The following ROBO1 variants were observed in gnomAD, a reference collection of about 807,000 sequenced individuals.
ROBO1 encodes the protein roundabout guidance receptor 1, also known as roundabout homolog 1.
Under a neutral mutation model 195.9 loss-of-function variants are expected in ROBO1, and 149 were observed. The observed-to-expected ratio is 0.76, with a 90% CI of 0.67 to 0.87. ROBO1 has a LOEUF of 0.87. Ranked by LOEUF, ROBO1 falls within the 40% of genes least tolerant of loss-of-function variation. The pLI, the probability that ROBO1 is intolerant of heterozygous loss-of-function variation, is 0.00. For synonymous variants in ROBO1, 816 were observed against 733.2 expected (o/e 1.11, Z -1.82); for missense variants, 1,933 against 2,068.3 (o/e 0.93, Z 1.27).
At chr3:78,801,993 T>C (rs988894295) in intron 4 of ROBO1, among the ~76,000 whole-genome samples, 18 of 152,132 alleles carry the variant, frequency 1.2e-4, no homozygotes, top group African/African-American at 4.3e-4. Context: ...ATTTTTCCCA[T>C]ACTGATCTTT....
At chr3:79,615,955 T>C (rs1944805457) in intron 1 of ROBO1, among the ~76,000 whole-genome samples, 2 of 152,152 alleles carry the variant, frequency 1.3e-5, no homozygotes, top group Admixed American at 6.5e-5. Flanking sequence ...AAAAACTGAA[T>C]TGCAGCAAGA....
chr3:79,224,350 T>G (rs949970024), intron 2 of ROBO1, among the ~76,000 whole-genome samples: 1 of 152,246 alleles, frequency 6.6e-6, no homozygotes, highest in Non-Finnish European at 1.5e-5. Flanking sequence ...GCTTAATTTT[T>G]GCAGTTGCTG....
chr3:78,719,438 G>A (rs569264953), intron 5 of ROBO1, among the ~76,000 whole-genome samples: 4 of 151,704 alleles, frequency 2.6e-5, no homozygotes, highest in East Asian at 1.9e-4. Flanking sequence ...TTGAACATCC[G>A]TCTTTCAATT....
chr3:78,853,164 T>C (rs1431238712), intron 4 of ROBO1, among the ~76,000 whole-genome samples: 1 of 151,830 alleles, frequency 6.6e-6, no homozygotes, highest in Non-Finnish European at 1.5e-5. Flanking sequence ...TCATCAGTTA[T>C]ATAAGTGGTT....
chr3:79,277,199 T>A (rs757288155), intron 2 of ROBO1, among the ~76,000 whole-genome samples: 15 of 152,032 alleles, frequency 9.9e-5, no homozygotes, highest in Non-Finnish European at 2.1e-4. Flanking sequence ...TCACAGTAGC[T>A]AAGATTTGAA....
intron 2 of ROBO1, among the ~76,000 whole-genome samples, chr3:79,463,634 AC>A (rs1937780441): frequency 6.6e-6 from 1 of 152,202 alleles, no homozygotes. Flanking sequence ...GAATCTGCTA[AC>A]CGAAAAAGAT....
chr3:78,878,009 C>T (rs538058373), intron 4 of ROBO1, among the ~76,000 whole-genome samples: 50 of 152,258 alleles, frequency 3.3e-4, no homozygotes, highest in African/African-American at 1.2e-3. Context: ...TGCTGGATGA[C>T]GTTTCCTATG....
At chr3:79,584,419 C>T (rs878992119) in intron 2 of ROBO1, among the ~76,000 whole-genome samples, 1 of 150,988 alleles carries the variant, frequency 6.6e-6, no homozygotes, top group East Asian at 2.0e-4. Context: ...TTTCTTAAAA[C>T]AAACAAAATA....
At chr3:79,369,519 G>A (rs555137215) in intron 2 of ROBO1, among the ~76,000 whole-genome samples, 2 of 152,254 alleles carry the variant, frequency 1.3e-5, no homozygotes, top group African/African-American at 4.8e-5. Flanking sequence ...CAAGTACAAT[G>A]AGAAAACACC....
At chr3:78,683,724 T>C (rs956716607) in intron 10 of ROBO1, among the ~76,000 whole-genome samples, 1 of 151,956 alleles carries the variant, frequency 6.6e-6, no homozygotes, top group Non-Finnish European at 1.5e-5. Flanking sequence ...TTAGTTTTCA[T>C]ATGGGGGAAA....
At chr3:78,988,321 ACTTCT>A (rs1362307020) in intron 3 of ROBO1, among the ~76,000 whole-genome samples, 1 of 152,136 alleles carries the variant, frequency 6.6e-6, no homozygotes, top group East Asian at 1.9e-4. Context: ...AAATTACCAG[ACTTCT>A]CTGTCTGGTG....
chr3:79,492,119 T>G (rs559518234), intron 2 of ROBO1, among the ~76,000 whole-genome samples: 12 of 152,084 alleles, frequency 7.9e-5, no homozygotes, highest in Admixed American at 2.6e-4. Context: ...TAGGACGTAG[T>G]TTTGCACCAC....
chr3:79,290,826 A>G (rs2032198931), intron 2 of ROBO1, among the ~76,000 whole-genome samples: 1 of 151,922 alleles, frequency 6.6e-6, no homozygotes, highest in Non-Finnish European at 1.5e-5. Flanking sequence ...TTCTTTTCTG[A>G]GCTATATCCC....
At chr3:79,400,395 C>T (rs532709551) in intron 2 of ROBO1, among the ~76,000 whole-genome samples, 131 of 152,084 alleles carry the variant, frequency 8.6e-4, no homozygotes, top group African/African-American at 3.0e-3. Flanking sequence ...ACAAATTTAG[C>T]GTATGGATTC....
At chr3:79,763,362 C>T (rs1300968451) in intron 1 of ROBO1, among the ~76,000 whole-genome samples, 2 of 152,058 alleles carry the variant, frequency 1.3e-5, no homozygotes, top group African/African-American at 2.4e-5. Context: ...TAGCTTACTC[C>T]TCTTAATCCC....
At chr3:78,948,199 A>C (rs150587120) in intron 3 of ROBO1, among the ~76,000 whole-genome samples, 1,765 of 152,298 alleles carry the variant, frequency 0.012, 33 homozygotes, top group African/African-American at 0.04. Context: ...CTGATACCAA[A>C]GCATGGCAGA....
intron 29 of ROBO1, among the ~76,000 whole-genome samples, chr3:78,602,799 C>T (rs1173796509): frequency 6.6e-6 from 1 of 152,162 alleles, no homozygotes. Context: ...CAAACTCAAC[C>T]TGTTGAACAT....
At chr3:79,307,498 T>A (rs1276858417) in intron 2 of ROBO1, among the ~76,000 whole-genome samples, 1 of 152,178 alleles carries the variant, frequency 6.6e-6, no homozygotes, top group Non-Finnish European at 1.5e-5. Context: ...TTCAGGATTT[T>A]AATGGATGGT....
At chr3:78,675,874 A>G (rs551330877) in intron 10 of ROBO1, among the ~76,000 whole-genome samples, 28 of 152,208 alleles carry the variant, frequency 1.8e-4, no homozygotes, top group African/African-American at 6.7e-4. Context: ...CTGCCTCCTC[A>G]AGTGGGTCCC....
Sources: allele counts gnomAD v4.1 joint callset (sites outside exome capture counted in the v4.1 genomes callset), GRCh38; gene constraint gnomAD v4.1.1; transcripts MANE v1.5; gene names NCBI Gene and HGNC (gene_info 2026-07-23, HGNC 2026-07-21).